Variants in MEGF10 observed in about 807,000 individuals in gnomAD.
MEGF10 encodes the protein multiple EGF like domains 10.
A neutral mutation model predicts 147.5 loss-of-function variants in MEGF10; 86 were observed. The ratio of observed to expected loss-of-function variants is 0.58; its 90% CI spans 0.49 to 0.70. The LOEUF is 0.70. Ranked by LOEUF, MEGF10 falls within the 30% of genes least tolerant of loss-of-function variation. The pLI, the probability that MEGF10 is intolerant of heterozygous loss-of-function variation, is 0.00. For synonymous variants in MEGF10, 478 were observed against 525.5 expected (o/e 0.91, Z 1.24); for missense variants, 1,329 against 1,487.3 (o/e 0.89, Z 1.75).
At chr5:127,344,549 A>T (rs901030627) in intron 4 of MEGF10, among the ~76,000 whole-genome samples, 1 of 152,186 alleles carries the variant, frequency 6.6e-6, no homozygotes, top group East Asian at 1.9e-4. Flanking sequence ...ACCAAGGATT[A>T]TCCAACTCCT....
intron 12 of MEGF10, 111 bp downstream of exon 12, chr5:127,420,318 T>C: frequency 8.6e-7 from 1 of 1,165,398 alleles, no homozygotes; most frequent in Non-Finnish European, 1.2e-6. Flanking sequence ...TGAACCCAAC[T>C]TCGGTAACTA....
chr5:127,400,608 G>A (rs890182774), intron 7 of MEGF10, among the ~76,000 whole-genome samples: 2 of 152,168 alleles, frequency 1.3e-5, no homozygotes, highest in South Asian at 4.1e-4. Flanking sequence ...CATGCTCTTT[G>A]GATAAGGATC....
At chr5:127,450,988 ACCTCAAGTGATCTTCTTGCCTCAGCCTCC>A (rs1766135968) in intron 22 of MEGF10, among the ~76,000 whole-genome samples, 1 of 151,990 alleles carries the variant, frequency 6.6e-6, no homozygotes, top group African/African-American at 2.4e-5. Flanking sequence ...CAAACTCCTG[ACCTCAAGTGATCTTCTTGCCTCAGCCTCC>A]CAAAGTGCTG....
chr5:127,239,476 A>ATATATATAAAATATATATATATAAT, the MEGF10 span, among the ~76,000 whole-genome samples: 4 of 142,528 alleles, frequency 2.8e-5, no homozygotes, highest in African/African-American at 1.0e-4. Context: ...ATATATATAT[A>ATATATATAAAATATATATATATAAT]ATATATATAC....
intron 4 of MEGF10, among the ~76,000 whole-genome samples, chr5:127,358,258 G>A (rs1238981878): frequency 6.6e-6 from 1 of 152,178 alleles, no homozygotes; most frequent in Non-Finnish European, 1.5e-5. Context: ...CAGAGTTCTA[G>A]AGGAAATGTC....
At chr5:127,418,611 A>G (rs533287816) in intron 10 of MEGF10, among the ~76,000 whole-genome samples, 9 of 152,312 alleles carry the variant, frequency 5.9e-5, no homozygotes, top group Admixed American at 2.0e-4. Context: ...TGGTAGCTTA[A>G]TTCTGCCTTT....
intron 1 of MEGF10, among the ~76,000 whole-genome samples, chr5:127,328,430 G>A (rs538701786): frequency 6.6e-6 from 1 of 151,970 alleles, no homozygotes; most frequent in Non-Finnish European, 1.5e-5. Flanking sequence ...TGGTACCTGC[G>A]ACTTTTCAAT....
At chr5:127,259,160 A>G in the MEGF10 span, among the ~76,000 whole-genome samples, 7 of 152,208 alleles carry the variant, frequency 4.6e-5, no homozygotes, top group African/African-American at 1.7e-4. Context: ...GTGACCCTCC[A>G]TGATGCAGGA....
At chr5:127,247,245 G>C in the MEGF10 span, among the ~76,000 whole-genome samples, 2 of 143,494 alleles carry the variant, frequency 1.4e-5, no homozygotes, top group South Asian at 2.2e-4. Flanking sequence ...CTCACAGAAA[G>C]TATTATTATT....
chr5:127,335,749 C>T (rs535611642), intron 2 of MEGF10, among the ~76,000 whole-genome samples: 10 of 151,994 alleles, frequency 6.6e-5, no homozygotes, highest in African/African-American at 2.4e-4. Context: ...TAGAAATACC[C>T]TCAACCAAAA....
chr5:127,426,306 A>T (rs999951225), intron 13 of MEGF10, among the ~76,000 whole-genome samples: 62 of 152,230 alleles, frequency 4.1e-4, no homozygotes, highest in African/African-American at 1.5e-3. Context: ...TTACCTAGTC[A>T]TAAAATAAGT....
chr5:127,274,202 G>C, the MEGF10 span, among the ~76,000 whole-genome samples: 8 of 152,138 alleles, frequency 5.3e-5, 1 homozygote, highest in African/African-American at 1.9e-4. Flanking sequence ...GGAAAAAAAG[G>C]TAGGGGCAGA....
chr5:127,236,449 G>C, the MEGF10 span, among the ~76,000 whole-genome samples: 1 of 152,114 alleles, frequency 6.6e-6, no homozygotes, highest in East Asian at 1.9e-4. Flanking sequence ...GGCTATATTT[G>C]GACTCCATGT....
chr5:127,293,126 G>A (rs1007914165), intron 1 of MEGF10, among the ~76,000 whole-genome samples: 6 of 152,198 alleles, frequency 3.9e-5, no homozygotes, highest in Non-Finnish European at 4.4e-5. Flanking sequence ...TGGGGAAAGA[G>A]TAGAATAACC....
intron 1 of MEGF10, among the ~76,000 whole-genome samples, chr5:127,300,937 G>A (rs1759738569): frequency 6.6e-6 from 1 of 152,172 alleles, no homozygotes; most frequent in South Asian, 2.1e-4. Flanking sequence ...TGGCCAAGCA[G>A]CAAATCTTTT....
intron 21 of MEGF10, 117 bp downstream of exon 21, chr5:127,447,801 T>A: frequency 7.8e-7 from 1 of 1,283,504 alleles, no homozygotes; most frequent in Non-Finnish European, 1.1e-6. Context: ...ATATATTATC[T>A]AATTTATTCC....
At chr5:127,385,219 C>T (rs1187397386) in intron 5 of MEGF10, among the ~76,000 whole-genome samples, 1 of 152,174 alleles carries the variant, frequency 6.6e-6, no homozygotes, top group Non-Finnish European at 1.5e-5. Flanking sequence ...CCATGGAGAA[C>T]ATTATAGCCA....
chr5:127,326,257 TG>T (rs1189620945), intron 1 of MEGF10, among the ~76,000 whole-genome samples: 1 of 152,110 alleles, frequency 6.6e-6, no homozygotes, highest in African/African-American at 2.4e-5. Context: ...TTAACTTAAA[TG>T]AATACTCTGT....
the MEGF10 span, among the ~76,000 whole-genome samples, chr5:127,242,463 A>G: frequency 7.2e-5 from 11 of 152,346 alleles, no homozygotes; most frequent in African/African-American, 2.4e-4. Flanking sequence ...GTAAGTATAA[A>G]TTGTAATGTA....
Sources: allele counts gnomAD v4.1 joint callset (sites outside exome capture counted in the v4.1 genomes callset), GRCh38; gene constraint gnomAD v4.1.1; transcripts MANE v1.5; gene names NCBI Gene and HGNC (gene_info 2026-07-23, HGNC 2026-07-21).